Variants in TECR observed in about 807,000 individuals in gnomAD.
TECR encodes the protein very-long-chain enoyl-CoA reductase.
TECR carries 19 observed loss-of-function variants against 50.6 expected under a neutral mutation model. That is an observed-to-expected ratio of 0.38 (90% CI 0.26 to 0.55). The LOEUF is 0.55. TECR is among the 20% of genes least tolerant of loss of function. The pLI is 0.79. For missense variants in TECR, 313 were observed against 408.3 expected, an observed-to-expected ratio of 0.77 and a Z score of 2.01; for synonymous variants, 168 against 163.5, an observed-to-expected ratio of 1.03 and a Z score of -0.21.
At chr19:14,557,542 C>G (rs1191071866) in intron 1 of TECR, among the ~76,000 whole-genome samples, 2 of 149,756 alleles carry the variant, frequency 1.3e-5, no homozygotes, top group Non-Finnish European at 3.0e-5. Context: ...ACCTCCTCCT[C>G]CTGGGTTCAA....
At chr19:14,555,935 A>G (rs933559815) in intron 1 of TECR, among the ~76,000 whole-genome samples, 6 of 151,420 alleles carry the variant, frequency 4.0e-5, no homozygotes, top group Non-Finnish European at 1.5e-5. Flanking sequence ...TTCTGCCCTC[A>G]CTCCTCCAGT....
chr19:14,545,415 G>T (rs796989021), intron 1 of TECR, among the ~76,000 whole-genome samples: 1 of 144,654 alleles, frequency 6.9e-6, no homozygotes, highest in African/African-American at 2.5e-5. Flanking sequence ...CCTCTGCACC[G>T]CTGTCTCCTC....
At chr19:14,559,227 C>T (rs894707478) in intron 1 of TECR, among the ~76,000 whole-genome samples, 21 of 152,114 alleles carry the variant, frequency 1.4e-4, no homozygotes, top group Non-Finnish European at 7.3e-5. Flanking sequence ...TAAAAGTGAA[C>T]AGTGGCATTG....
intron 1 of TECR, among the ~76,000 whole-genome samples, chr19:14,544,517 C>G (rs559983743): frequency 2.8e-4 from 42 of 152,150 alleles, no homozygotes; most frequent in Admixed American, 1.2e-3. Context: ...ATGGGACTGG[C>G]AGGTCTGGCT....
intron 1 of TECR, among the ~76,000 whole-genome samples, chr19:14,543,656 T>C (rs1428956159): frequency 6.7e-6 from 1 of 150,306 alleles, no homozygotes; most frequent in Non-Finnish European, 1.5e-5. Context: ...GCCAGGATGG[T>C]CTCGATCTCC....
intron 1 of TECR, among the ~76,000 whole-genome samples, chr19:14,541,973 C>T (rs1379904475): frequency 1.3e-5 from 2 of 151,886 alleles, no homozygotes; most frequent in African/African-American, 2.4e-5. Flanking sequence ...TGTAGTAGAC[C>T]GGGTTTCACA....
intron 1 of TECR, among the ~76,000 whole-genome samples, chr19:14,554,713 C>A (rs927501475): frequency 4.6e-5 from 7 of 152,130 alleles, no homozygotes; most frequent in Admixed American, 3.3e-4. Flanking sequence ...CCCACACCCA[C>A]TCCACTCTCA....
intron 1 of TECR, among the ~76,000 whole-genome samples, chr19:14,543,420 T>TATATATATATA (rs1491174243): frequency 0.017 from 95 of 5,478 alleles, no homozygotes; most frequent in South Asian, 0.057. Flanking sequence ...TATATATATA[T>TATATATATATA]TTTTTTTTTT....
At chr19:14,527,925 C>CT (rs2072465455), upstream of TECR, 1 of 151,854 alleles carries the variant, frequency 6.6e-6, no homozygotes, top group African/African-American at 2.4e-5. Flanking sequence ...GAATCTCACT[C>CT]TGTCGCCCAG....
chr19:14,557,157 T>A (rs868604319), intron 1 of TECR, among the ~76,000 whole-genome samples: 7 of 39,894 alleles, frequency 1.8e-4, no homozygotes, highest in African/African-American at 4.4e-4. Flanking sequence ...TTATTTATTT[T>A]GAGACAGGGT....
chr19:14,556,191 C>T (rs1568420839), intron 1 of TECR, among the ~76,000 whole-genome samples: 1 of 152,192 alleles, frequency 6.6e-6, no homozygotes, highest in Non-Finnish European at 1.5e-5. Flanking sequence ...CCTTCCTGCT[C>T]AGCCACGCTA....
intron 1 of TECR, among the ~76,000 whole-genome samples, chr19:14,554,786 C>T (rs2073659670): frequency 6.8e-6 from 1 of 147,200 alleles, no homozygotes; most frequent in Admixed American, 6.8e-5. Flanking sequence ...CTGCCTTGTG[C>T]TTTTTTTTTT....
At chr19:14,535,756 CAAAAAAAA>C (rs1161257175) in intron 1 of TECR, among the ~76,000 whole-genome samples, 2 of 51,944 alleles carry the variant, frequency 3.9e-5, no homozygotes, top group African/African-American at 8.1e-5. Context: ...GACTCTGTCT[CAAAAAAAA>C]AAAAAAAAAA....
rs1259041440 is a variant in TECR at position 14,564,037 on chromosome 19, G to C, written c.323G>C (p.Arg108Pro). 1.2e-6 allele frequency: 2 copies of C among 1,613,836 alleles called. No homozygotes were observed. The highest frequency in any genetic ancestry group is 1.7e-6 in the Non-Finnish European group (2 of 1,179,950). The change falls in exon 6 of 13, where the codon CGA (arginine) becomes CCA (proline). Residue 108 changes from arginine to proline, a missense_variant. By Grantham distance (103) the Arg-to-Pro change is moderately radical. Transcript: ENST00000215567. ...PLFIYLLFYF[R>P]VPFIYGHKYD... The stretch of plus-strand genomic sequence containing the variant: ...TTCATCTACCTGCTCTTCTACTTCC[G>C]AGTGCCCTTCATCTATGGCCACAAA...
intron 1 of TECR, among the ~76,000 whole-genome samples, chr19:14,533,154 C>CTCATGCCTGTAATCCCAGCACT (rs1310642447): frequency 1.3e-5 from 2 of 151,608 alleles, no homozygotes; most frequent in Non-Finnish European, 2.9e-5. Flanking sequence ...GGCACAGTGG[C>CTCATGCCTGTAATCCCAGCACT]TCATGCCTGT....
In TECR at chr19:14,565,077, C is replaced by T. The variant is rs59273619; in HGVS notation, c.618C>T (p.Leu206=). The change falls in exon 10 of 13, where the codon CTC becomes CTT. Residue 206 remains leucine, a synonymous_variant. Transcript: ENST00000215567. ...LALAIFVICQ[L]GNFSIHMALR... The stretch of plus-strand genomic sequence containing the variant: ...TGCTTCTCTGACAGATCTGCCAGCT[C>T]GGCAACTTCTCCATCCACATGGCCC... 14,026 of 1,613,834 alleles carry T rather than the reference C, an allele frequency of 8.7e-3. 1,025 individuals carry two copies. In the African/African-American group the frequency reaches 0.16, roughly 18 times the overall value.
intron 1 of TECR, among the ~76,000 whole-genome samples, chr19:14,546,747 C>T (rs1331498460): frequency 2.6e-5 from 4 of 152,008 alleles, no homozygotes; most frequent in Admixed American, 6.6e-5. Flanking sequence ...TGCCGTGTCG[C>T]GATCTTGGCT....
At chr19:14,539,725 A>G (rs750708621) in intron 1 of TECR, among the ~76,000 whole-genome samples, 14 of 151,800 alleles carry the variant, frequency 9.2e-5, no homozygotes, top group Non-Finnish European at 2.1e-4. Flanking sequence ...TGCTTTCCTC[A>G]TGCCTGGCCC....
At chr19:14,551,564 G>T (rs1016899944) in intron 1 of TECR, among the ~76,000 whole-genome samples, 1 of 152,128 alleles carries the variant, frequency 6.6e-6, no homozygotes, top group South Asian at 2.1e-4. Flanking sequence ...CATTGAGGAC[G>T]CGCCCCTGCT....
Sources: allele counts gnomAD v4.1 joint callset (sites outside exome capture counted in the v4.1 genomes callset), GRCh38; gene constraint gnomAD v4.1.1; transcripts MANE v1.5; gene names NCBI Gene and HGNC (gene_info 2026-07-23, HGNC 2026-07-21).